The following LARGE2 variants were observed in gnomAD, a reference collection of about 807,000 sequenced individuals.
LARGE2 encodes the protein xylosyl- and glucuronyltransferase LARGE2.
LARGE2 carries 63 observed loss-of-function variants against 75.3 expected under a neutral mutation model. The ratio of observed to expected loss-of-function variants is 0.84; its 90% CI spans 0.68 to 1.03. The LOEUF (loss-of-function observed/expected upper bound fraction) is 1.03, where lower values mean the gene tolerates loss of function less well. Ranked by LOEUF, LARGE2 falls within the 50% of genes least tolerant of loss-of-function variation. The pLI, the probability that LARGE2 is intolerant of heterozygous loss-of-function variation, is 0.00. For synonymous variants in LARGE2, 428 were observed against 420.1 expected, an observed-to-expected ratio of 1.02 and a Z score of -0.23; for missense variants, 925 against 980.6, an observed-to-expected ratio of 0.94 and a Z score of 0.76.
In LARGE2 at chr11:45,926,708, C is replaced by T. The variant is rs1216368146; in HGVS notation, c.1165-3C>T. 13 of 1,612,776 alleles carry T rather than the reference C, an allele frequency of 8.1e-6. No homozygotes were observed. Among genetic ancestry groups the T allele is most frequent in the Non-Finnish European group, 1.1e-5 (13 of 1,179,364 alleles). ...CGGTCCTTGTCACCCCTTGCCCCCT[C>T]AGTTGCAGCAGGCCCTGGCACAACT... is the stretch of plus-strand genomic sequence containing the variant. On this transcript the variant is annotated splice_polypyrimidine_tract_variant and splice_region_variant and intron_variant, in intron 9 of 13. Transcript: ENST00000401752.
Position 45,922,668 on chromosome 11 carries a change from G to A in LARGE2, c.-123G>A. On this transcript the variant is annotated 5_prime_UTR_variant, in exon 1 of 14. Transcript: ENST00000401752. ...GGGACCGGCCCGCGCCTCTCCCCTGGTTCCCGCACCCTGGCCGGCGGCTGC... is the reference window on the plus strand; with the variant it reads ...GGGACCGGCCCGCGCCTCTCCCCTGATTCCCGCACCCTGGCCGGCGGCTGC... The A allele has an allele frequency of 2.8e-6, 1 of 351,074 alleles. No individual in the cohort carries two copies. Among genetic ancestry groups the A allele is most frequent in the Non-Finnish European group, 5.1e-6 (1 of 197,692 alleles). The allele number at this position is 351,074 out of a possible 1,614,324, so 21.7% of individuals were successfully genotyped here.
chr11:45,924,647 G>A lies in LARGE2; in HGVS notation c.634G>A (p.Glu212Lys). 6.2e-7 allele frequency: 1 copy of A among 1,613,796 alleles called. No homozygotes were observed. Among genetic ancestry groups the A allele is most frequent in the Non-Finnish European group, 8.5e-7 (1 of 1,179,876 alleles). The change falls in exon 5 of 14, where the codon GAG becomes AAG. Residue 212 changes from glutamate (E) to lysine (K), a missense_variant. Glu to Lys is a moderately conservative substitution (Grantham distance 56, BLOSUM62 1). This residue lies in a region of LARGE2 where 453 missense variants were observed against 460.2 expected (regional missense o/e 0.98). Transcript: ENST00000401752. The part of the protein sequence containing the change: ...TDVTFASDIS[E>K]LWALFAHFSD... ...TGTCACCTTCGCCTCTGACATCTCG[G>A]AGCTCTGGGCCCTCTTTGCTCACTT...
In LARGE2 at chr11:45,925,917, A is replaced by C. The variant is rs1449478396; in HGVS notation, c.770-122A>C. ...AACAACAACAAAAAACAAGTAGTCC[A>C]TGATCATGTCTGAACAGTCAGAAAA... is the stretch of plus-strand genomic sequence containing the variant. On this transcript the variant is annotated intron_variant, in intron 6 of 13. Transcript: ENST00000401752. The C allele has an allele frequency of 7.4e-6, 6 of 811,444 alleles. No individual in the cohort carries two copies. The East Asian group carries it at 1.3e-4, about 18-fold the overall frequency. 50.3% of individuals were successfully genotyped at this position (811,444 alleles called of 1,614,324 possible). A position where few individuals can be genotyped will look rare whatever the true frequency, so the allele number is the denominator to read the frequency against.
chr11:45,924,083 C>T, intron 3 of LARGE2, 71 bp from the exon 4 acceptor site: 3 of 1,564,894 alleles, frequency 1.9e-6, no homozygotes, highest in East Asian at 2.3e-5. Flanking sequence ...TCTCTGCGCC[C>T]CTCGGGGTGG....
upstream of LARGE2, among the ~76,000 whole-genome samples, chr11:45,922,304 C>G (rs559140065): frequency 6.6e-6 from 1 of 152,306 alleles, no homozygotes; most frequent in South Asian, 2.1e-4. Flanking sequence ...CTCCTCCTCC[C>G]TCGTGTCGAG....
At position 45,924,807 on chromosome 11, in the gene LARGE2, G is replaced by C; in HGVS notation, c.687G>C (p.Val229=). Residue 229 remains valine, a synonymous_variant, in exon 6 of 14, where the codon GTG becomes GTC. Transcript: ENST00000401752. The part of the protein sequence containing the change: ...HFSDTQAIGL[V]ENQSDWYLGN... ...CAGACACGCAGGCGATCGGTCTTGTGGAGAACCAGAGTGACTGGTACCTGG... is the reference window on the plus strand; with the variant it reads ...CAGACACGCAGGCGATCGGTCTTGTCGAGAACCAGAGTGACTGGTACCTGG... 1 of 1,514,646 alleles carries C rather than the reference G, an allele frequency of 6.6e-7. No individual in the cohort carries two copies. Among genetic ancestry groups the C allele is most frequent in the Non-Finnish European group, 8.8e-7 (1 of 1,130,238 alleles). The allele number at this position is 1,514,646 out of a possible 1,614,324, so 93.8% of individuals were successfully genotyped here. A position where few individuals can be genotyped will look rare whatever the true frequency, so the allele number is the denominator to read the frequency against.
At position 45,926,723 on chromosome 11, in the gene LARGE2, C is replaced by T. The variant is rs771783938; in HGVS notation, c.1177C>T (p.Leu393=). 10 of 1,613,470 alleles carry T rather than the reference C, an allele frequency of 6.2e-6. No individual in the cohort carries two copies. The Admixed American group carries it at 1.7e-4, about 27-fold the overall frequency. The part of the protein sequence containing the change: ...PPGAEQLQQA[L]AQLDEEDPCF... Reference sequence around the variant, plus strand: ...CTTGCCCCCTCAGTTGCAGCAGGCCCTGGCACAACTGGACGAGGAAGACCC... The same window carrying T: ...CTTGCCCCCTCAGTTGCAGCAGGCCTTGGCACAACTGGACGAGGAAGACCC... The change falls in exon 10 of 14, where the codon CTG becomes TTG. Residue 393 remains leucine (L), a synonymous_variant. Transcript: ENST00000401752.
chr11:45,923,472 G>C lies in LARGE2; in HGVS notation c.286-1G>C. The C allele has an allele frequency of 6.2e-7, 1 of 1,613,400 alleles. No homozygotes were observed. The highest frequency in any genetic ancestry group is 8.5e-7 in the Non-Finnish European group (1 of 1,179,906). Reference sequence around the variant, plus strand: ...CTGCCGACCTGGGCGTCCCTCCCCAGCTCTTGCATGTGGCCATCGTGTGTG... The same window carrying C: ...CTGCCGACCTGGGCGTCCCTCCCCACCTCTTGCATGTGGCCATCGTGTGTG... On this transcript the variant is annotated splice_acceptor_variant, in intron 2 of 13. Coordinates refer to ENST00000401752, the MANE Select transcript of LARGE2 (RefSeq NM_001300721.2). LOFTEE classifies it high-confidence loss of function.
At position 45,927,976 on chromosome 11, in the gene LARGE2, C is replaced by T. The variant is rs148608860; in HGVS notation, c.1661C>T (p.Pro554Leu). The part of the protein sequence containing the change: ...GSRRKAALVV[P>L]AFETLRYRFS... ...CGGCGCAAGGCAGCACTGGTGGTGC[C>T]GGCATTCGAGACCCTGCGCTACCGC... The change falls in exon 12 of 14, where the codon CCG becomes CTG. Residue 554 changes from proline to leucine, a missense_variant. This residue lies in a region of LARGE2 where 469 missense variants were observed against 503.8 expected (regional missense o/e 0.93). Transcript: ENST00000401752. 6 of 1,613,696 alleles carry T rather than the reference C, an allele frequency of 3.7e-6. No individual in the cohort carries two copies. The highest frequency in any genetic ancestry group is 1.1e-5 in the South Asian group (1 of 91,084).
intron 13 of LARGE2, 76 bp from the exon 14 acceptor site, chr11:45,928,554 C>A (rs1405407532): frequency 6.4e-7 from 1 of 1,571,618 alleles, no homozygotes; most frequent in Non-Finnish European, 8.6e-7. Context: ...ACAGGGTAAG[C>A]CTGTTCTCTG....
At chr11:45,923,802 C>T (rs2087022801) in intron 3 of LARGE2, among the ~76,000 whole-genome samples, 2 of 151,016 alleles carry the variant, frequency 1.3e-5, no homozygotes, top group African/African-American at 4.9e-5. Flanking sequence ...CCGGCTAAAA[C>T]GGTGAAACCC....
chr11:45,925,976 A>C, intron 6 of LARGE2, 63 bp from the exon 7 acceptor site: 1 of 1,402,160 alleles, frequency 7.1e-7, no homozygotes, highest in South Asian at 1.3e-5. Context: ...CACCTTCATG[A>C]CCCCCATGTC....
In LARGE2 at chr11:45,924,625, C is replaced by T; in HGVS notation, c.612C>T (p.Val204=). ...GCGTCATTGTCCTGGACACGGATGT[C>T]ACCTTCGCCTCTGACATCTCGGAGC... ...LARVIVLDTD[V]TFASDISELW... The change falls in exon 5 of 14, where the codon GTC becomes GTT. Residue 204 remains valine (V), a synonymous_variant. Coordinates refer to ENST00000401752, the MANE Select transcript of LARGE2 (RefSeq NM_001300721.2). 3 of 1,614,140 alleles carry T rather than the reference C, an allele frequency of 1.9e-6. No homozygotes were observed. The highest frequency in any genetic ancestry group is 1.7e-6 in the Non-Finnish European group (2 of 1,180,008).
rs746500511 is a variant in LARGE2 at position 45,927,470 on chromosome 11, G to A, written c.1481G>A (p.Arg494His). Reference sequence around the variant, plus strand: ...GACGTGGCCTACCATGTGGTGTACCGTGAGGGGCCCCTATACCCCGTCAAC... The same window carrying A: ...GACGTGGCCTACCATGTGGTGTACCATGAGGGGCCCCTATACCCCGTCAAC... The part of the protein sequence containing the change: ...RQDVAYHVVY[R>H]EGPLYPVNQL... The change falls in exon 11 of 14, where the codon CGT becomes CAT. Residue 494 changes from arginine (R) to histidine (H), a missense_variant. Physicochemically the swap from Arg to His is conservative, Grantham distance 29. Coordinates refer to ENST00000401752, the MANE Select transcript of LARGE2 (RefSeq NM_001300721.2). 6.8e-6 allele frequency: 11 copies of A among 1,614,098 alleles called. No individual in the cohort carries two copies. Among genetic ancestry groups the A allele is most frequent in the African/African-American group, 2.7e-5 (2 of 74,946 alleles).
Position 45,928,173 on chromosome 11 carries a change from A to G in LARGE2, c.1755-4A>G. ...CCTGGCTCCCACCCGACCCTGCTGC[A>G]CAGGTACCACGAGTGGCCCCGAGGC... On this transcript the variant is annotated splice_polypyrimidine_tract_variant and splice_region_variant and intron_variant, in intron 12 of 13. Coordinates refer to ENST00000401752, the MANE Select transcript of LARGE2 (RefSeq NM_001300721.2). 6.2e-7 allele frequency: 1 copy of G among 1,613,488 alleles called. No individual in the cohort carries two copies. Among genetic ancestry groups the G allele is most frequent in the Non-Finnish European group, 8.5e-7 (1 of 1,179,974 alleles).
rs1421937700 is a variant in LARGE2 at position 45,927,904 on chromosome 11, G to A, written c.1605-16G>A. 3 of 1,612,078 alleles carry A rather than the reference G, an allele frequency of 1.9e-6. No individual in the cohort carries two copies. In the Admixed American group the frequency reaches 5.0e-5, roughly 27 times the overall value. ...TGCCCCGCTCTTCTCCCCTGCTCATGGGTGCTCCTCCTCAGGGCCTCCATT... is the reference window on the plus strand; with the variant it reads ...TGCCCCGCTCTTCTCCCCTGCTCATAGGTGCTCCTCCTCAGGGCCTCCATT... On this transcript the variant is annotated splice_polypyrimidine_tract_variant and intron_variant, in intron 11 of 13. Coordinates refer to ENST00000401752, the MANE Select transcript of LARGE2 (RefSeq NM_001300721.2).
Position 45,924,486 on chromosome 11 carries a change from C to T in LARGE2, c.493-20C>T, listed in dbSNP as rs749785925. On this transcript the variant is annotated intron_variant, in intron 4 of 13. Coordinates refer to ENST00000401752, the MANE Select transcript of LARGE2 (RefSeq NM_001300721.2). Reference sequence around the variant, plus strand: ...TAGGCCCCTCTCTGCCATCTCATCTCCTGCCTTTCCCCCACACAGCCCCAG... The same window carrying T: ...TAGGCCCCTCTCTGCCATCTCATCTTCTGCCTTTCCCCCACACAGCCCCAG... 2 of 1,607,226 alleles carry T rather than the reference C, an allele frequency of 1.2e-6. No individual in the cohort carries two copies. The highest frequency in any genetic ancestry group is 1.7e-6 in the Non-Finnish European group (2 of 1,175,878).
chr11:45,927,499 C>T lies in LARGE2; in HGVS notation c.1510C>T (p.Leu504Phe), dbSNP rs1460087963. Reference protein sequence around the residue: ...REGPLYPVNQLRNVALAQALT... With the variant: ...REGPLYPVNQFRNVALAQALT... Reference sequence around the variant, plus strand: ...GGGGCCCCTATACCCCGTCAACCAGCTTCGCAACGTGGCCTTGGCCCAGGC... The same window carrying T: ...GGGGCCCCTATACCCCGTCAACCAGTTTCGCAACGTGGCCTTGGCCCAGGC... The change falls in exon 11 of 14, where the codon CTT becomes TTT. Residue 504 changes from leucine to phenylalanine, a missense_variant. Leu to Phe is a conservative substitution (Grantham distance 22, BLOSUM62 0). Coordinates refer to ENST00000401752, the MANE Select transcript of LARGE2 (RefSeq NM_001300721.2). The T allele has an allele frequency of 6.2e-7, 1 of 1,614,132 alleles. No individual in the cohort carries two copies. The highest frequency in any genetic ancestry group is 8.5e-7 in the Non-Finnish European group (1 of 1,180,044).
rs2087411070 is a variant in LARGE2 at position 45,928,888 on chromosome 11, C to A, written c.*43C>A. The A allele has an allele frequency of 6.2e-7, 1 of 1,607,710 alleles. No individual in the cohort carries two copies. Among genetic ancestry groups the A allele is most frequent in the Non-Finnish European group, 8.5e-7 (1 of 1,177,352 alleles). ...CCCTCATCTTAGCATTGGGCAGACACCAGGGCAACCTGCCCTCCGCCATCC... is the reference window on the plus strand; with the variant it reads ...CCCTCATCTTAGCATTGGGCAGACAACAGGGCAACCTGCCCTCCGCCATCC... On this transcript the variant is annotated 3_prime_UTR_variant, in exon 14 of 14. Coordinates refer to ENST00000401752, the MANE Select transcript of LARGE2 (RefSeq NM_001300721.2).
Sources: allele counts gnomAD v4.1 joint callset (sites outside exome capture counted in the v4.1 genomes callset), GRCh38; gene constraint gnomAD v4.1.1; regional missense constraint gnomAD v4.1.1; transcripts MANE v1.5; gene names NCBI Gene and HGNC (gene_info 2026-07-23, HGNC 2026-07-21).